Variants in ZMAT3 observed in about 807,000 individuals in gnomAD.
The protein encoded by ZMAT3 is zinc finger matrin-type 3.
A neutral mutation model predicts 32.3 loss-of-function variants in ZMAT3; 17 were observed. That is an observed-to-expected ratio of 0.53 (90% CI 0.36 to 0.79). The LOEUF is 0.79. ZMAT3 is among the 30% of genes least tolerant of loss of function. ZMAT3 has a pLI of 0.00. For missense variants in ZMAT3, 329 were observed against 359.7 expected, an observed-to-expected ratio of 0.91 and a Z score of 0.69; for synonymous variants, 120 against 133.1, an observed-to-expected ratio of 0.90 and a Z score of 0.68.
intron 1 of ZMAT3, among the ~76,000 whole-genome samples, chr3:179,070,179 C>T (rs916764897): frequency 1.3e-5 from 2 of 152,094 alleles, no homozygotes; most frequent in Admixed American, 6.5e-5. Flanking sequence ...CAAATGCTAC[C>T]AATTGCCTAG....
chr3:179,039,563 A>G (rs1390772050), intron 2 of ZMAT3, among the ~76,000 whole-genome samples: 1 of 152,118 alleles, frequency 6.6e-6, no homozygotes, highest in African/African-American at 2.4e-5. Flanking sequence ...CTACACCAAA[A>G]CCCCATCTGT....
intron 5 of ZMAT3, among the ~76,000 whole-genome samples, chr3:179,026,626 T>C (rs1718889519): frequency 6.6e-6 from 1 of 152,156 alleles, no homozygotes; most frequent in Non-Finnish European, 1.5e-5. Context: ...CCTCAGGTGA[T>C]CCACCTACCT....
chr3:179,059,210 A>T (rs1560097634), intron 2 of ZMAT3, among the ~76,000 whole-genome samples: 1 of 152,114 alleles, frequency 6.6e-6, no homozygotes, highest in Non-Finnish European at 1.5e-5. Flanking sequence ...TTATAGAAGG[A>T]CCCCTAGTAT....
At chr3:179,041,973 T>C (rs1450267750) in intron 2 of ZMAT3, among the ~76,000 whole-genome samples, 3 of 152,088 alleles carry the variant, frequency 2.0e-5, no homozygotes, top group African/African-American at 7.2e-5. Flanking sequence ...GCAAACGAAC[T>C]AGAAAATCTA....
rs1164517696 is a variant in ZMAT3, at chr3:179,023,710, ATTT to A, written c.*1304_*1306del. 17 of 25,052 alleles carry A rather than the reference ATTT, an allele frequency of 6.8e-4. 2 individuals carry two copies. The highest frequency in any genetic ancestry group is 1.3e-3 in the Admixed American group (2 of 1,582). 1.6% of individuals were successfully genotyped at this position (25,052 alleles called of 1,614,324 possible). ...GGAAAATATATCTATATATATATATATTTTTTTTTTTTTTTTTTTTTTTTTTTT... is the reference window on the plus strand; with the variant it reads ...GGAAAATATATCTATATATATATATATTTTTTTTTTTTTTTTTTTTTTTTT... On this transcript the variant is annotated 3_prime_UTR_variant, in exon 6 of 6. Coordinates refer to ENST00000311417, the MANE Select transcript of ZMAT3 (RefSeq NM_022470.4).
At chr3:179,052,387 GA>G (rs761539914) in intron 2 of ZMAT3, among the ~76,000 whole-genome samples, 22 of 152,066 alleles carry the variant, frequency 1.4e-4, no homozygotes, top group Non-Finnish European at 2.8e-4. Context: ...ATAAACATAT[GA>G]AAAAAATGCT....
chr3:179,050,487 A>C (rs977871905), intron 2 of ZMAT3, among the ~76,000 whole-genome samples: 2 of 148,544 alleles, frequency 1.3e-5, no homozygotes, highest in African/African-American at 4.9e-5. Context: ...AGTTACCAAC[A>C]AAAAAAAAAG....
At chr3:179,059,848 G>C (rs1721060873) in intron 2 of ZMAT3, among the ~76,000 whole-genome samples, 1 of 152,152 alleles carries the variant, frequency 6.6e-6, no homozygotes, top group Admixed American at 6.5e-5. Flanking sequence ...GGACTAGCTG[G>C]ATTTCCTAGG....
intron 2 of ZMAT3, among the ~76,000 whole-genome samples, chr3:179,035,966 T>C (rs1434991686): frequency 6.6e-6 from 1 of 152,078 alleles, no homozygotes; most frequent in Non-Finnish European, 1.5e-5. Flanking sequence ...GCCTTCTGTG[T>C]TGAGGGGCTA....
intron 2 of ZMAT3, 50 bp downstream of exon 2, chr3:179,067,433 C>A (rs779568048): frequency 8.8e-6 from 14 of 1,591,204 alleles, no homozygotes; most frequent in Non-Finnish European, 1.2e-5. Flanking sequence ...ATAGCCAGAG[C>A]CCTGAAATGT....
At position 179,063,805 on chromosome 3, in the gene ZMAT3, C is replaced by T. The variant is rs544624386; in HGVS notation, c.270+3678G>A. ...GATTGGATTTTAAATTAAGTTATAT[C>T]CAAAGCCCTAATTTTAAGAATATAA... is the stretch of plus-strand genomic sequence containing the variant. On this transcript the variant is annotated intron_variant, in intron 2 of 5. Transcript: ENST00000311417. 2.0e-5 allele frequency among the ~76,000 whole-genome samples: 3 copies of T among 152,234 alleles called. No homozygotes were observed. The East Asian group carries it at 5.8e-4, about 29-fold the overall frequency.
chr3:179,033,028 G>A (rs995068330), intron 2 of ZMAT3, among the ~76,000 whole-genome samples: 6 of 152,234 alleles, frequency 3.9e-5, no homozygotes, highest in African/African-American at 1.2e-4. Context: ...TGACGATGGC[G>A]GTTTTGTCGA....
intron 2 of ZMAT3, among the ~76,000 whole-genome samples, chr3:179,033,247 C>T (rs1026745082): frequency 1.3e-5 from 2 of 152,110 alleles, no homozygotes; most frequent in East Asian, 1.9e-4. Context: ...GGATTAAGGG[C>T]GGTGCAAGAT....
At position 179,019,160 on chromosome 3, in the gene ZMAT3, T is replaced by C. The variant is rs1243692795; in HGVS notation, c.*5857A>G. ...AAAATTATATTGAAACTTTAAAATT[T>C]ATGACAAGCACTTAAAAATGACCAA... On this transcript the variant is annotated 3_prime_UTR_variant, in exon 6 of 6. Coordinates refer to ENST00000311417, the MANE Select transcript of ZMAT3 (RefSeq NM_022470.4). 1 of 152,066 alleles carries C rather than the reference T, an allele frequency of 6.6e-6. No homozygotes were observed. Among genetic ancestry groups the C allele is most frequent in the African/African-American group, 2.4e-5 (1 of 41,418 alleles). 9.4% of individuals were successfully genotyped at this position (152,066 alleles called of 1,614,324 possible). A position where few individuals can be genotyped will look rare whatever the true frequency, so the allele number is the denominator to read the frequency against.
At chr3:179,026,066 G>A (rs1385305765) in intron 5 of ZMAT3, among the ~76,000 whole-genome samples, 5 of 152,108 alleles carry the variant, frequency 3.3e-5, no homozygotes, top group Non-Finnish European at 7.4e-5. Context: ...TTTCACTGTA[G>A]GAATTTTTAA....
chr3:179,058,844 T>TAATA, intron 2 of ZMAT3, among the ~76,000 whole-genome samples: 1 of 151,280 alleles, frequency 6.6e-6, no homozygotes, highest in South Asian at 2.1e-4. Context: ...TGAAAGTAAT[T>TAATA]CCCTCACTCC....
chr3:179,067,169 G>GGTTTAAATACTT (rs1560100619), intron 2 of ZMAT3, among the ~76,000 whole-genome samples: 1 of 152,258 alleles, frequency 6.6e-6, no homozygotes, highest in East Asian at 1.9e-4. Context: ...GGTAAATAGT[G>GGTTTAAATACTT]GTTTAAATAC....
At chr3:179,062,102 T>A (rs1373427853) in intron 2 of ZMAT3, among the ~76,000 whole-genome samples, 3 of 152,124 alleles carry the variant, frequency 2.0e-5, no homozygotes, top group East Asian at 3.8e-4. Flanking sequence ...ATTTTTAAAT[T>A]TTTTTAGGAG....
rs1718399939 is a variant in ZMAT3 at position 179,018,816 on chromosome 3, G to A, written c.*6201C>T. ...ATTCTGCTAATTATAGCTGGAGGAAGTGTGGATAATTACAATTCTCAAGGA... is the reference window on the plus strand; with the variant it reads ...ATTCTGCTAATTATAGCTGGAGGAAATGTGGATAATTACAATTCTCAAGGA... On this transcript the variant is annotated 3_prime_UTR_variant, in exon 6 of 6. Coordinates refer to ENST00000311417, the MANE Select transcript of ZMAT3 (RefSeq NM_022470.4). 1 of 152,162 alleles carries A rather than the reference G, an allele frequency of 6.6e-6. No individual in the cohort carries two copies. Among genetic ancestry groups the A allele is most frequent in the African/African-American group, 2.4e-5 (1 of 41,438 alleles). The allele number at this position is 152,162 out of a possible 1,614,324, so 9.4% of individuals were successfully genotyped here. A position where few individuals can be genotyped will look rare whatever the true frequency, so the allele number is the denominator to read the frequency against.
Sources: gnomAD v4.1 joint callset for allele counts (sites outside exome capture counted in the v4.1 genomes callset) on GRCh38, gnomAD v4.1.1 for gene constraint, MANE v1.5 for transcripts, NCBI Gene and HGNC (gene_info 2026-07-23, HGNC 2026-07-21) for gene names.